MND1: variants seen among roughly 807,000 people sequenced by gnomAD.
MND1 encodes meiotic nuclear division protein 1 homolog.
Under a neutral mutation model 35.1 loss-of-function variants are expected in MND1, and 28 were observed. The ratio of observed to expected loss-of-function variants is 0.80; its 90% CI spans 0.59 to 1.09. MND1 has a LOEUF of 1.09. Ranked by LOEUF, MND1 falls within the 50% of genes least tolerant of loss-of-function variation. The probability of loss-of-function intolerance (pLI) is 0.00; values close to 1 mark genes in which losing one functional copy is unlikely to be tolerated. For synonymous variants in MND1, 69 were observed against 70.5 expected, an observed-to-expected ratio of 0.98 and a Z score of 0.11; for missense variants, 213 against 239.6, an observed-to-expected ratio of 0.89 and a Z score of 0.73.
At chr4:153,378,028 A>G (rs979050642) in intron 4 of MND1, among the ~76,000 whole-genome samples, 1 of 152,142 alleles carries the variant, frequency 6.6e-6, no homozygotes, top group African/African-American at 2.4e-5. Context: ...GGCAGGGTCT[A>G]TATCTTAATC....
chr4:153,392,123 A>G (rs1729063402), intron 4 of MND1, among the ~76,000 whole-genome samples: 1 of 150,042 alleles, frequency 6.7e-6, no homozygotes, highest in South Asian at 2.1e-4. Context: ...TTTTTTTGAG[A>G]TGGAGTCTTG....
intron 3 of MND1, 79 bp downstream of exon 3, chr4:153,355,790 C>T (rs973547364): frequency 7.8e-6 from 7 of 902,220 alleles, no homozygotes; most frequent in South Asian, 3.0e-5. Context: ...TTCATTAAGT[C>T]ATCTTTTCTG....
At chr4:153,375,895 A>G (rs1406158435) in intron 4 of MND1, among the ~76,000 whole-genome samples, 2 of 152,180 alleles carry the variant, frequency 1.3e-5, no homozygotes, top group Non-Finnish European at 2.9e-5. Flanking sequence ...TTGTTAAACT[A>G]ACATCTCTAG....
At position 153,381,600 on chromosome 4, in the gene MND1, T is replaced by G. The variant is rs1728683560; in HGVS notation, c.277-12662T>G. On this transcript the variant is annotated intron_variant, in intron 4 of 7. Coordinates refer to ENST00000240488, the MANE Select transcript of MND1 (RefSeq NM_032117.4). ...TGCTGCCCCCAAAGCATATCGATATTTCATAAATTTTAAAATTTCAGTATT... is the reference window on the plus strand; with the variant it reads ...TGCTGCCCCCAAAGCATATCGATATGTCATAAATTTTAAAATTTCAGTATT... The G allele has an allele frequency of 4.4e-5, 6 of 136,544 alleles. No homozygotes were observed. In the South Asian group the frequency reaches 1.4e-3, roughly 32 times the overall value. The allele number at this position is 136,544 out of a possible 1,614,324, so 8.5% of individuals were successfully genotyped here. A position where few individuals can be genotyped will look rare whatever the true frequency, so the allele number is the denominator to read the frequency against.
chr4:153,405,994 G>A (rs1729497826), intron 6 of MND1, among the ~76,000 whole-genome samples: 1 of 151,790 alleles, frequency 6.6e-6, no homozygotes, highest in Non-Finnish European at 1.5e-5. Context: ...TAGTAGAGAG[G>A]GAGTTTCACC....
At chr4:153,376,780 C>A (rs1307770447) in intron 4 of MND1, among the ~76,000 whole-genome samples, 1 of 152,142 alleles carries the variant, frequency 6.6e-6, no homozygotes, top group Non-Finnish European at 1.5e-5. Context: ...TGCTGTGGTA[C>A]CCCGAGCATA....
intron 2 of MND1, 78 bp downstream of exon 2, chr4:153,350,207 CT>C: frequency 9.8e-7 from 1 of 1,024,438 alleles, no homozygotes; most frequent in Non-Finnish European, 1.5e-6. Context: ...TAACTGTCCC[CT>C]CTTTGTTAAA....
intron 6 of MND1, among the ~76,000 whole-genome samples, chr4:153,400,401 C>CT (rs1337744235): frequency 6.6e-6 from 1 of 151,910 alleles, no homozygotes; most frequent in South Asian, 2.1e-4. Context: ...AGATTATCAT[C>CT]TTTTTTGCAG....
At chr4:153,354,801 A>G (rs1773300599) in intron 2 of MND1, among the ~76,000 whole-genome samples, 1 of 152,200 alleles carries the variant, frequency 6.6e-6, no homozygotes, top group African/African-American at 2.4e-5. Flanking sequence ...TGACTGGCCT[A>G]TAACTAGTTT....
chr4:153,362,823 G>T (rs1158483662), intron 4 of MND1, among the ~76,000 whole-genome samples: 1 of 151,632 alleles, frequency 6.6e-6, no homozygotes, highest in Non-Finnish European at 1.5e-5. Flanking sequence ...GTTTAGGCTT[G>T]TTTTTTTTAG....
intron 4 of MND1, among the ~76,000 whole-genome samples, chr4:153,380,049 G>C (rs1167284862): frequency 8.0e-6 from 1 of 124,286 alleles, no homozygotes; most frequent in Non-Finnish European, 1.7e-5. Context: ...ATTCACTGTA[G>C]ATGAAAAGAA....
chr4:153,404,555 A>G (rs1379344501), intron 6 of MND1, among the ~76,000 whole-genome samples: 3 of 149,374 alleles, frequency 2.0e-5, no homozygotes, highest in African/African-American at 7.4e-5. Flanking sequence ...GCTCACTACA[A>G]CCTCCGCCTC....
At chr4:153,387,335 T>C (rs557967548) in intron 4 of MND1, among the ~76,000 whole-genome samples, 5 of 152,074 alleles carry the variant, frequency 3.3e-5, no homozygotes, top group Non-Finnish European at 7.3e-5. Context: ...TATGAACATT[T>C]CTCTATTGCT....
Position 153,381,850 on chromosome 4 carries a change from C to T in MND1, c.277-12412C>T, listed in dbSNP as rs1232362167. ...TCCTACCAGGGCTGGTTCACCCCTG[C>T]TTAGGCAATCCAGTGGTCCCCACTC... On this transcript the variant is annotated intron_variant, in intron 4 of 7. Coordinates refer to ENST00000240488, the MANE Select transcript of MND1 (RefSeq NM_032117.4). 3.3e-5 allele frequency: 5 copies of T among 150,406 alleles called. No homozygotes were observed. In the East Asian group the frequency reaches 9.8e-4, roughly 30 times the overall value. 9.3% of individuals were successfully genotyped at this position (150,406 alleles called of 1,614,324 possible).
At chr4:153,372,120 A>G (rs942435455) in intron 4 of MND1, among the ~76,000 whole-genome samples, 3 of 152,118 alleles carry the variant, frequency 2.0e-5, no homozygotes, top group South Asian at 4.1e-4. Context: ...AACAATTACA[A>G]TAGTAACATC....
intron 4 of MND1, among the ~76,000 whole-genome samples, chr4:153,359,060 G>A (rs74403658): frequency 0.017 from 2,581 of 152,148 alleles, 43 homozygotes; most frequent in East Asian, 0.056. Context: ...ACTAAATTCC[G>A]TAGCTTACAT....
At chr4:153,354,647 C>G (rs1773296749) in intron 2 of MND1, among the ~76,000 whole-genome samples, 1 of 152,106 alleles carries the variant, frequency 6.6e-6, no homozygotes, top group African/African-American at 2.4e-5. Flanking sequence ...GGACTACAGG[C>G]ACGCACTACC....
intron 6 of MND1, among the ~76,000 whole-genome samples, chr4:153,403,664 T>G (rs1416460828): frequency 6.6e-6 from 1 of 152,086 alleles, no homozygotes; most frequent in Non-Finnish European, 1.5e-5. Context: ...TGGCACAATC[T>G]TGGCTCACTA....
intron 5 of MND1, 69 bp downstream of exon 5, chr4:153,394,405 TC>T: frequency 8.0e-7 from 1 of 1,244,316 alleles, no homozygotes; most frequent in Non-Finnish European, 1.1e-6. Flanking sequence ...ACACAGAGCT[TC>T]CTGTGAGGAG....
Sources: allele counts gnomAD v4.1 joint callset (sites outside exome capture counted in the v4.1 genomes callset), GRCh38; gene constraint gnomAD v4.1.1; transcripts MANE v1.5; gene names NCBI Gene and HGNC (gene_info 2026-07-23, HGNC 2026-07-21).